Variants in CFAP90 observed in about 807,000 individuals in gnomAD.
CFAP90 encodes cilia and flagella associated protein 90.
the CFAP90 span, among the ~76,000 whole-genome samples, chr5:7,842,842 C>T: frequency 0.014 from 2,058 of 152,240 alleles, 48 homozygotes; most frequent in African/African-American, 0.047. Context: ...GTAAATACTT[C>T]GGTCATGGTC....
At chr5:7,848,566 T>TCC in the CFAP90 span, among the ~76,000 whole-genome samples, 1 of 152,208 alleles carries the variant, frequency 6.6e-6, no homozygotes, top group African/African-American at 2.4e-5. Flanking sequence ...TCCAGGCCTT[T>TCC]CCCTGAGGCT....
the CFAP90 span, among the ~76,000 whole-genome samples, chr5:7,833,532 C>T: frequency 6.6e-6 from 1 of 152,176 alleles, no homozygotes; most frequent in South Asian, 2.1e-4. Flanking sequence ...CACATGCACA[C>T]ATATATACAC....
the CFAP90 span, chr5:7,835,489 T>A: frequency 1.3e-6 from 2 of 1,497,336 alleles, no homozygotes; most frequent in Non-Finnish European, 1.8e-6. Flanking sequence ...TAGAGGGAAA[T>A]AATTCCTGTC....
chr5:7,839,287 T>C, the CFAP90 span, among the ~76,000 whole-genome samples: 1 of 152,260 alleles, frequency 6.6e-6, no homozygotes, highest in Admixed American at 6.5e-5. Flanking sequence ...AGCCAAACCA[T>C]ATCACCCAGG....
chr5:7,834,977 A>G, the CFAP90 span, among the ~76,000 whole-genome samples: 1 of 152,208 alleles, frequency 6.6e-6, no homozygotes, highest in Non-Finnish European at 1.5e-5. Flanking sequence ...ACGTACAAGC[A>G]TACCTCAGAG....
At chr5:7,838,100 A>G in the CFAP90 span, among the ~76,000 whole-genome samples, 9 of 152,354 alleles carry the variant, frequency 5.9e-5, 1 homozygote, top group East Asian at 1.4e-3. Context: ...GAATCAATGG[A>G]GAATTGATAA....
the CFAP90 span, among the ~76,000 whole-genome samples, chr5:7,848,826 T>C: frequency 3.9e-5 from 6 of 152,180 alleles, no homozygotes; most frequent in Non-Finnish European, 5.9e-5. Flanking sequence ...CTCATTCCTC[T>C]TCATGCTGCC....
the CFAP90 span, among the ~76,000 whole-genome samples, chr5:7,844,622 G>A: frequency 6.6e-6 from 1 of 152,190 alleles, no homozygotes; most frequent in African/African-American, 2.4e-5. Context: ...GCAGGGAGAA[G>A]GAAAGAGGTA....
chr5:7,836,885 G>C, the CFAP90 span, among the ~76,000 whole-genome samples: 1 of 152,096 alleles, frequency 6.6e-6, no homozygotes, highest in South Asian at 2.1e-4. Context: ...AACCAGGGGT[G>C]GGGGTAGGGG....
At chr5:7,833,204 AAGAT>A in the CFAP90 span, among the ~76,000 whole-genome samples, 3 of 152,202 alleles carry the variant, frequency 2.0e-5, no homozygotes, top group African/African-American at 7.2e-5. Context: ...TTGGCACAAA[AAGAT>A]AGAGGAGAGC....
At chr5:7,846,479 C>T in the CFAP90 span, among the ~76,000 whole-genome samples, 1 of 152,168 alleles carries the variant, frequency 6.6e-6, no homozygotes, top group Non-Finnish European at 1.5e-5. Flanking sequence ...GACACGTTCT[C>T]ATTGTGTCCT....
chr5:7,850,953 C>T, the CFAP90 span: 17 of 1,336,560 alleles, frequency 1.3e-5, no homozygotes, highest in East Asian at 4.5e-4. Flanking sequence ...CGGACTGCGC[C>T]GAGACGGGCG....
chr5:7,837,940 TTA>T, the CFAP90 span, among the ~76,000 whole-genome samples: 1 of 152,186 alleles, frequency 6.6e-6, no homozygotes. Context: ...GCTGGCCATT[TTA>T]TGAGTTCACC....
chr5:7,833,352 T>C, the CFAP90 span, among the ~76,000 whole-genome samples: 1 of 147,700 alleles, frequency 6.8e-6, no homozygotes, highest in African/African-American at 2.5e-5. Context: ...GCATGATATA[T>C]ACATGTATTC....
the CFAP90 span, among the ~76,000 whole-genome samples, chr5:7,841,335 G>A: frequency 6.6e-5 from 10 of 152,184 alleles, no homozygotes; most frequent in African/African-American, 2.4e-4. Context: ...ACAGATGCTG[G>A]TGAGGTTGTG....
chr5:7,851,013 G>C, the CFAP90 span: 1 of 1,261,216 alleles, frequency 7.9e-7, no homozygotes, highest in Middle Eastern at 2.9e-4. Flanking sequence ...CCTCCTCGTC[G>C]TCCTCCATGC....
chr5:7,834,511 AAGTGTAC>A, the CFAP90 span, among the ~76,000 whole-genome samples: 6 of 152,246 alleles, frequency 3.9e-5, no homozygotes, highest in African/African-American at 1.4e-4. Context: ...AGTGTAGCCA[AAGTGTAC>A]AGTGCTTATG....
chr5:7,844,707 C>T, the CFAP90 span, among the ~76,000 whole-genome samples: 1 of 152,110 alleles, frequency 6.6e-6, no homozygotes, highest in African/African-American at 2.4e-5. Context: ...TATGAGTCTG[C>T]TGGATAATGG....
chr5:7,836,824 T>C, the CFAP90 span, among the ~76,000 whole-genome samples: 1 of 152,124 alleles, frequency 6.6e-6, no homozygotes, highest in Non-Finnish European at 1.5e-5. Context: ...AAGCGAACTT[T>C]AGAGACCGAC....
Sources: gnomAD v4.1 joint callset for allele counts (sites outside exome capture counted in the v4.1 genomes callset) on GRCh38, gnomAD v4.1.1 for gene constraint, MANE v1.5 for transcripts, NCBI Gene and HGNC (gene_info 2026-07-23, HGNC 2026-07-21) for gene names.